Variants in SH3TC1 observed in about 807,000 individuals in gnomAD.
SH3TC1 encodes the protein SH3 domain and tetratricopeptide repeats 1, also known as SH3 domain and tetratricopeptide repeat-containing protein 1.
A neutral mutation model predicts 117.3 loss-of-function variants in SH3TC1; 135 were observed. That is an observed-to-expected ratio of 1.15 (90% CI 1.00 to 1.33). SH3TC1 has a LOEUF of 1.33. Among genes scored for constraint, SH3TC1 ranks in the 40% most tolerant of loss-of-function variants. SH3TC1 has a pLI of 0.00. For synonymous variants in SH3TC1, 898 were observed against 816.9 expected (o/e 1.10, Z -1.69); for missense variants, 2,092 against 1,794.3 (o/e 1.17, Z -3.00).
intron 1 of SH3TC1, among the ~76,000 whole-genome samples, chr4:8,188,539 C>A (rs1434446331): frequency 6.6e-6 from 1 of 152,252 alleles, no homozygotes; most frequent in African/African-American, 2.4e-5. Context: ...TTGGGTTGCA[C>A]CCCAGCATGA....
chr4:8,237,342 G>C, intron 16 of SH3TC1, 132 bp from the exon 17 acceptor site: 1 of 678,488 alleles, frequency 1.5e-6, no homozygotes, highest in Non-Finnish European at 2.3e-6. Flanking sequence ...GTGAGTCTGG[G>C]AGCTGGGAAG....
upstream of SH3TC1, among the ~76,000 whole-genome samples, chr4:8,199,063 C>T (rs1486883591): frequency 6.6e-6 from 1 of 152,320 alleles, no homozygotes; most frequent in East Asian, 1.9e-4. Context: ...ACTGGGTGCC[C>T]CTAGCCTCTA....
chr4:8,235,626 G>C, intron 15 of SH3TC1, 71 bp downstream of exon 15: 1 of 1,473,424 alleles, frequency 6.8e-7, no homozygotes, highest in Non-Finnish European at 9.0e-7. Context: ...CACAGGTGTG[G>C]CAGGGCAGAG....
chr4:8,185,202 T>C (rs936727338), intron 1 of SH3TC1, among the ~76,000 whole-genome samples: 2 of 151,730 alleles, frequency 1.3e-5, no homozygotes, highest in East Asian at 3.9e-4. Flanking sequence ...CAGGAGTGTT[T>C]GCGGGTGCCT....
Position 8,222,862 on chromosome 4 carries a change from AAT to A in SH3TC1, c.1136_1137del (p.Asn379ArgfsTer14). The A allele has an allele frequency of 2.5e-6, 4 of 1,612,444 alleles. No individual in the cohort carries two copies. Among genetic ancestry groups the A allele is most frequent in the Non-Finnish European group, 3.4e-6 (4 of 1,178,686 alleles). On this transcript the variant is annotated frameshift_variant, in exon 10 of 18. Transcript: ENST00000245105. LOFTEE classifies it high-confidence loss of function. The stretch of plus-strand genomic sequence containing the variant: ...CAGGTTGGAAAGTGCGATTTTTCTC[AAT>A]GAGGAAGAAAAGTCATTCTTCAGCG... The part of the protein sequence containing the change: ...VSELESAIFL[N>X]EEEKSFFSEG...
At chr4:8,219,806 A>C (rs1378171566) in intron 9 of SH3TC1, among the ~76,000 whole-genome samples, 2 of 152,208 alleles carry the variant, frequency 1.3e-5, no homozygotes, top group African/African-American at 4.8e-5. Flanking sequence ...GTGATAAGGC[A>C]CTGCACGCCG....
intron 12 of SH3TC1, chr4:8,231,694 G>A (rs1721231607): frequency 2.1e-6 from 1 of 474,344 alleles, no homozygotes; most frequent in Non-Finnish European, 3.7e-6. Context: ...GGCGGCCCTG[G>A]TCCTGGCCAG....
At chr4:8,189,118 G>A (rs747904) in intron 1 of SH3TC1, among the ~76,000 whole-genome samples, 25 of 152,370 alleles carry the variant, frequency 1.6e-4, no homozygotes, top group Non-Finnish European at 1.6e-4. Flanking sequence ...AGGTGAACCC[G>A]GCTCGGAATA....
Position 8,233,359 on chromosome 4 carries a change from C to T in SH3TC1, c.3132-4C>T, listed in dbSNP as rs753799742. On this transcript the variant is annotated splice_region_variant and splice_polypyrimidine_tract_variant and intron_variant, in intron 13 of 17. Transcript: ENST00000245105. ...CTTGTTCTGACACCTGTGTCTGATA[C>T]CAGGGCCTACAAATCCGCACTGGAC... 29 of 1,603,126 alleles carry T rather than the reference C, an allele frequency of 1.8e-5. No homozygotes were observed. The East Asian group carries it at 5.8e-4, about 32-fold the overall frequency.
At position 8,205,605 on chromosome 4, in the gene SH3TC1, G is replaced by A. The variant is rs1476953073; in HGVS notation, c.172+239G>A. On this transcript the variant is annotated intron_variant, in intron 2 of 17. Transcript: ENST00000245105. The surrounding 1 kb of genome is among the most constrained non-coding windows in gnomAD (Gnocchi z 5.4). ...CTCGTGTTTTTCCAGGGACGCGTCA[G>A]TGATAACAAAACTGGCAAAGAACGA... The A allele has an allele frequency of 1.3e-6, 1 of 773,458 alleles. No homozygotes were observed. Among genetic ancestry groups the A allele is most frequent in the South Asian group, 1.3e-5 (1 of 74,798 alleles). The allele number at this position is 773,458 out of a possible 1,614,324, so 47.9% of individuals were successfully genotyped here. A position where few individuals can be genotyped will look rare whatever the true frequency, so the allele number is the denominator to read the frequency against.
At chr4:8,215,059 G>T (rs909779313) in intron 5 of SH3TC1, 3 of 440,504 alleles carry the variant, frequency 6.8e-6, no homozygotes, top group Non-Finnish European at 1.4e-5. Flanking sequence ...TGCTCAGGGA[G>T]AAATGCCGGG....
chr4:8,204,626 C>G (rs1457385686), intron 1 of SH3TC1, among the ~76,000 whole-genome samples: 1 of 152,248 alleles, frequency 6.6e-6, no homozygotes, highest in East Asian at 1.9e-4. Flanking sequence ...GAGGCCGGAG[C>G]TGAGGAGGAC....
intron 4 of SH3TC1, among the ~76,000 whole-genome samples, chr4:8,214,133 G>T (rs940976922): frequency 1.3e-5 from 2 of 152,120 alleles, no homozygotes; most frequent in African/African-American, 4.8e-5. Flanking sequence ...GAGCACAGCC[G>T]AACAGGGACC....
At chr4:8,239,900 G>A (rs1722184292) in intron 17 of SH3TC1, among the ~76,000 whole-genome samples, 2 of 152,240 alleles carry the variant, frequency 1.3e-5, no homozygotes, top group African/African-American at 2.4e-5. Flanking sequence ...CGTTGGATGA[G>A]CAGTGATGTG....
chr4:8,214,263 G>T (rs1378272525), intron 4 of SH3TC1, among the ~76,000 whole-genome samples: 2 of 152,160 alleles, frequency 1.3e-5, no homozygotes, highest in Non-Finnish European at 2.9e-5. Context: ...CTCTGGGAAG[G>T]GCAGGGGCTT....
Position 8,232,496 on chromosome 4 carries a change from C to T in SH3TC1, c.3131+340C>T, listed in dbSNP as rs769932248. 37 of 1,408,776 alleles carry T rather than the reference C, an allele frequency of 2.6e-5. No individual in the cohort carries two copies. The Admixed American group carries it at 3.0e-4, about 11-fold the overall frequency. The allele number at this position is 1,408,776 out of a possible 1,614,324, so 87.3% of individuals were successfully genotyped here. Reference sequence around the variant, plus strand: ...TTTGTCATCTGACCTCTGCCTGCCCCGAGTCTTCACTCCTGGCCTTCACCT... The same window carrying T: ...TTTGTCATCTGACCTCTGCCTGCCCTGAGTCTTCACTCCTGGCCTTCACCT... On this transcript the variant is annotated intron_variant, in intron 13 of 17. Coordinates refer to ENST00000245105, the MANE Select transcript of SH3TC1 (RefSeq NM_018986.5).
intron 4 of SH3TC1, among the ~76,000 whole-genome samples, chr4:8,213,726 C>T (rs375586763): frequency 3.9e-5 from 6 of 151,984 alleles, no homozygotes; most frequent in African/African-American, 9.7e-5. Context: ...AGGGAGACCT[C>T]GTCTCTACAA....
rs1280283223 is a variant in SH3TC1, at chr4:8,190,540, T to C, written c.-57+8330T>C. Among the ~76,000 whole-genome samples, 1 of 152,142 alleles carries C rather than the reference T, an allele frequency of 6.6e-6. No homozygotes were observed. Among genetic ancestry groups the C allele is most frequent in the African/African-American group, 2.4e-5 (1 of 41,426 alleles). On this transcript the variant is annotated intron_variant, in intron 1 of 16. Transcript: ENST00000508641. This position sits in a 1 kb window ranked among gnomAD's most constrained non-coding sequence, Gnocchi z 4.7. ...TGGCAGCCTTGCAGCCCCTGCTGTG[T>C]GCCCTCATCTGGGACCTTCTCCTCT...
intron 13 of SH3TC1, chr4:8,232,935 C>A (rs568608713): frequency 2.5e-6 from 3 of 1,193,302 alleles, no homozygotes; most frequent in South Asian, 3.1e-5. Flanking sequence ...TAGGGCCCGC[C>A]CCAGGCCCGT....
Sources: gnomAD v4.1 joint callset for allele counts (sites outside exome capture counted in the v4.1 genomes callset) on GRCh38, gnomAD v4.1.1 for gene constraint, Gnocchi (gnomAD v3.1) non-coding constraint, MANE v1.5 for transcripts, NCBI Gene and HGNC (gene_info 2026-07-23, HGNC 2026-07-21) for gene names.